Variants in CEP41 observed in about 807,000 individuals in gnomAD.
CEP41 encodes the protein centrosomal protein of 41 kDa.
CEP41 carries 32 observed loss-of-function variants against 44.3 expected under a neutral mutation model. That is an observed-to-expected ratio of 0.72 (90% CI 0.54 to 0.97). CEP41 has a LOEUF of 0.97. CEP41 is among the 50% of genes least tolerant of loss of function. The probability of loss-of-function intolerance (pLI) is 0.00; values close to 1 mark genes in which losing one functional copy is unlikely to be tolerated. For synonymous variants in CEP41, 151 were observed against 168.5 expected (o/e 0.90, Z 0.80); for missense variants, 432 against 455.2 (o/e 0.95, Z 0.46).
chr7:130,419,853 C>A, intron 2 of CEP41: 7 of 985,284 alleles, frequency 7.1e-6, no homozygotes, highest in South Asian at 4.7e-5. Context: ...CTCCTCTGAG[C>A]CTCTATAGCA....
chr7:130,404,609 A>G lies in CEP41; in HGVS notation c.377T>C (p.Ile126Thr). 6.2e-7 allele frequency: 1 copy of G among 1,613,942 alleles called. No individual in the cohort carries two copies. The highest frequency in any genetic ancestry group is 8.5e-7 in the Non-Finnish European group (1 of 1,179,836). ...GEQSPSPEQF[I>T]NNAGAGDSSR... ...GGAGTCCCCTGCTCCTGCGTTGTTT[A>G]TGAACTGCTCAGGGCTCGGCGACTG... Residue 126 changes from isoleucine to threonine, a missense_variant, in exon 6 of 11, where the codon ATA (isoleucine) becomes ACA (threonine). Physicochemically the swap from Ile to Thr is moderately conservative, Grantham distance 89 (BLOSUM62 -1). Coordinates refer to ENST00000223208, the MANE Select transcript of CEP41 (RefSeq NM_018718.3).
intron 4 of CEP41, chr7:130,411,894 T>G (rs982750633): frequency 3.5e-6 from 1 of 282,040 alleles, no homozygotes; most frequent in Non-Finnish European, 6.6e-6. Flanking sequence ...TTCTAAATAT[T>G]AAGTTAAATG....
intron 6 of CEP41, among the ~76,000 whole-genome samples, chr7:130,403,817 T>C (rs1300153654): frequency 6.6e-6 from 1 of 152,150 alleles, no homozygotes; most frequent in Non-Finnish European, 1.5e-5. Flanking sequence ...TCTTCTTGAG[T>C]GCAATTTTAG....
At chr7:130,421,806 A>C in intron 2 of CEP41, 5 of 1,317,674 alleles carry the variant, frequency 3.8e-6, no homozygotes, top group Non-Finnish European at 4.8e-6. Flanking sequence ...GGACTAATAA[A>C]GGGAGAGCCC....
At position 130,395,952 on chromosome 7, in the gene CEP41, T is replaced by C. The variant is rs1305266601; in HGVS notation, c.*2939A>G. The C allele has an allele frequency of 6.6e-6, 3 of 453,490 alleles. No homozygotes were observed. Among genetic ancestry groups the C allele is most frequent in the African/African-American group, 6.0e-5 (3 of 50,094 alleles). The allele number at this position is 453,490 out of a possible 1,614,324, so 28.1% of individuals were successfully genotyped here. ...AATCATTCCATACTTTTTCAAGAGA[T>C]TGAGCCTGACATTATTACAGCCCAG... is the stretch of plus-strand genomic sequence containing the variant. On this transcript the variant is annotated 3_prime_UTR_variant, in exon 11 of 11. Coordinates refer to ENST00000223208, the MANE Select transcript of CEP41 (RefSeq NM_018718.3).
At chr7:130,441,113 G>T, upstream of CEP41, 1 of 850,066 alleles carries the variant, frequency 1.2e-6, no homozygotes, top group Middle Eastern at 2.1e-4. Context: ...TGGGGGCCCC[G>T]TTTACTCTCT....
intron 1 of CEP41, among the ~76,000 whole-genome samples, chr7:130,437,764 C>CAAAAAAAAA (rs1171735164): frequency 7.7e-4 from 25 of 32,378 alleles, no homozygotes; most frequent in Non-Finnish European, 1.2e-3. Context: ...AAGACTGTCT[C>CAAAAAAAAA]AAAAAAAAAA....
At chr7:130,419,431 T>A (rs1363218162) in intron 2 of CEP41, 3 of 985,268 alleles carry the variant, frequency 3.0e-6, no homozygotes, top group Non-Finnish European at 3.6e-6. Context: ...ATGCAGCCTA[T>A]CTTACTGTAT....
Position 130,396,999 on chromosome 7 carries a change from C to G in CEP41, c.*1892G>C. 2.2e-6 allele frequency: 1 copy of G among 454,476 alleles called. No homozygotes were observed. The allele number at this position is 454,476 out of a possible 1,614,324, so 28.2% of individuals were successfully genotyped here. A position where few individuals can be genotyped will look rare whatever the true frequency, so the allele number is the denominator to read the frequency against. On this transcript the variant is annotated 3_prime_UTR_variant, in exon 11 of 11. Coordinates refer to ENST00000223208, the MANE Select transcript of CEP41 (RefSeq NM_018718.3). ...AACTCCTGACAAGTCACCTTTAAAA[C>G]AGCATAACCAGAACTTTCTTACAGA...
At position 130,397,523 on chromosome 7, in the gene CEP41, T is replaced by C; in HGVS notation, c.*1368A>G. On this transcript the variant is annotated 3_prime_UTR_variant, in exon 11 of 11. Transcript: ENST00000223208. ...TGTGGTGCATTTTTTTTTTTTTTTT[T>C]TTTTTTTTTTGGTGGCGAGAAAATA... is the stretch of plus-strand genomic sequence containing the variant. The C allele has an allele frequency of 2.5e-6, 1 of 402,890 alleles. No homozygotes were observed. The allele number at this position is 402,890 out of a possible 1,614,324, so 25.0% of individuals were successfully genotyped here.
intron 1 of CEP41, chr7:130,440,387 G>T (rs1233780001): frequency 2.5e-5 from 5 of 203,566 alleles, no homozygotes; most frequent in East Asian, 1.3e-4. Flanking sequence ...CTGCACCGTG[G>T]AAGTTTCCAA....
In CEP41 at chr7:130,409,237, C is replaced by A. The variant is rs189334500; in HGVS notation, c.277+1885G>T. Among the ~76,000 whole-genome samples, 9 of 152,280 alleles carry A rather than the reference C, an allele frequency of 5.9e-5. No homozygotes were observed. The East Asian group carries it at 1.7e-3, about 29-fold the overall frequency. ...TGAGTGAGTTATTATCTGTGTAGAG[C>A]ACTAGAAAAACACTAATATTACTCA... On this transcript the variant is annotated intron_variant, in intron 5 of 10. Coordinates refer to ENST00000223208, the MANE Select transcript of CEP41 (RefSeq NM_018718.3).
intron 4 of CEP41, 120 bp downstream of exon 4, chr7:130,412,059 C>T (rs1259329392): frequency 3.6e-5 from 27 of 758,966 alleles, no homozygotes; most frequent in East Asian, 2.7e-4. Context: ...CATAGCTGAA[C>T]GACATACAAA....
intron 2 of CEP41, among the ~76,000 whole-genome samples, chr7:130,423,292 A>G (rs186700310): frequency 8.5e-5 from 13 of 152,316 alleles, no homozygotes; most frequent in African/African-American, 3.1e-4. Flanking sequence ...AAATAACCCA[A>G]CATAAATATG....
chr7:130,431,153 G>A (rs1554425001), intron 1 of CEP41, among the ~76,000 whole-genome samples: 2 of 151,758 alleles, frequency 1.3e-5, no homozygotes, highest in South Asian at 2.1e-4. Context: ...ACTGCAAGCC[G>A]AGCACCATAG....
chr7:130,440,881 C>A lies in CEP41; in HGVS notation c.33+53G>T. On this transcript the variant is annotated intron_variant, in intron 1 of 10. Transcript: ENST00000223208. ...GCTGCTCTTCCCTGCCCACATGAGC[C>A]TTTTCCGGTGCGCCCGCCCCCTCCG... The A allele has an allele frequency of 2.5e-6, 4 of 1,600,092 alleles. No individual in the cohort carries two copies. The East Asian group carries it at 9.0e-5, about 36-fold the overall frequency.
chr7:130,425,160 C>T (rs1324673535), intron 2 of CEP41, among the ~76,000 whole-genome samples: 3 of 152,210 alleles, frequency 2.0e-5, no homozygotes, highest in African/African-American at 7.2e-5. Context: ...GGTGCGGTGG[C>T]TCATGCCTGT....
At chr7:130,417,597 T>C (rs1797374312) in intron 2 of CEP41, among the ~76,000 whole-genome samples, 1 of 152,226 alleles carries the variant, frequency 6.6e-6, no homozygotes, top group South Asian at 2.1e-4. Context: ...TTTTATAGTA[T>C]GTTTCTATAA....
At chr7:130,412,372 T>G (rs574332779) in intron 3 of CEP41, 132 bp from the exon 4 acceptor site, 1 of 623,784 alleles carries the variant, frequency 1.6e-6, no homozygotes, top group South Asian at 1.9e-5. Context: ...AGCCTCATGA[T>G]ATCATCAAAA....
Sources: gnomAD v4.1 joint callset for allele counts (sites outside exome capture counted in the v4.1 genomes callset) on GRCh38, gnomAD v4.1.1 for gene constraint, MANE v1.5 for transcripts, NCBI Gene and HGNC (gene_info 2026-07-23, HGNC 2026-07-21) for gene names.